The following RERE variants were observed in gnomAD, a reference collection of about 807,000 sequenced individuals.
The protein encoded by RERE is arginine-glutamic acid dipeptide repeats protein.
RERE carries 40 observed loss-of-function variants against 146.1 expected under a neutral mutation model. The ratio of observed to expected loss-of-function variants is 0.27; its 90% CI spans 0.21 to 0.36. The LOEUF (loss-of-function observed/expected upper bound fraction) is 0.36, where lower values mean the gene tolerates loss of function less well. Ranked by LOEUF, RERE falls within the 10% of genes least tolerant of loss-of-function variation. The probability of loss-of-function intolerance (pLI) is 1.00; values close to 1 mark genes in which losing one functional copy is unlikely to be tolerated. For synonymous variants in RERE, 1,003 were observed against 866.0 expected (o/e 1.16, Z -2.78); for missense variants, 1,933 against 2,138.7 (o/e 0.90, Z 1.90).
At chr1:8,437,261 T>C (rs1303942390) in intron 11 of RERE, among the ~76,000 whole-genome samples, 1 of 151,806 alleles carries the variant, frequency 6.6e-6, no homozygotes, top group Non-Finnish European at 1.5e-5. Context: ...CAATACAACA[T>C]GGGACTGGGT....
At chr1:8,773,169 T>C (rs533872629) in intron 1 of RERE, among the ~76,000 whole-genome samples, 2 of 152,350 alleles carry the variant, frequency 1.3e-5, no homozygotes, top group East Asian at 1.9e-4. Context: ...AAAAAGAATT[T>C]TGTTGATTGA....
chr1:8,616,624 T>C (rs1646855266), intron 3 of RERE, among the ~76,000 whole-genome samples: 1 of 152,160 alleles, frequency 6.6e-6, no homozygotes, highest in Non-Finnish European at 1.5e-5. Context: ...TTTTAGTAAA[T>C]AACATTTTCA....
intron 10 of RERE, among the ~76,000 whole-genome samples, chr1:8,477,614 T>C (rs1644773146): frequency 6.6e-6 from 1 of 152,180 alleles, no homozygotes; most frequent in Non-Finnish European, 1.5e-5. Flanking sequence ...ACATGCTAAA[T>C]TGACCTAGAA....
At chr1:8,380,892 G>GT (rs1236513405) in intron 12 of RERE, 3 of 456,746 alleles carry the variant, frequency 6.6e-6, no homozygotes, top group Non-Finnish European at 1.3e-5. Flanking sequence ...CAGCGCTGCT[G>GT]TAACGTCTGC....
chr1:8,515,389 G>A (rs1456836797), intron 7 of RERE, among the ~76,000 whole-genome samples: 3 of 149,538 alleles, frequency 2.0e-5, no homozygotes, highest in Admixed American at 1.3e-4. Context: ...CGGGCGTGGT[G>A]GCTCACCTGA....
In RERE at chr1:8,365,830, G is replaced by T; in HGVS notation, c.1429C>A (p.Pro477Thr). 3 of 1,614,208 alleles carry T rather than the reference G, an allele frequency of 1.9e-6. No individual in the cohort carries two copies. The highest frequency in any genetic ancestry group is 2.5e-6 in the Non-Finnish European group (3 of 1,180,034). The change falls in exon 13 of 23, where the codon CCC becomes ACC. Residue 477 changes from proline (P) to threonine (T), a missense_variant. By Grantham distance (38) the Pro-to-Thr change is conservative. This residue lies in a region of RERE where 260 missense variants were observed against 378.4 expected (regional missense o/e 0.69). Coordinates refer to ENST00000400908, the MANE Select transcript of RERE (RefSeq NM_001042681.2). Reference protein sequence around the residue: ...ASTPVNTPSRPPSSEFLDLSS... With the variant: ...ASTPVNTPSRTPSSEFLDLSS... Reference sequence around the variant, plus strand: ...TACTCACAGAATTCACTGGACGGGGGTCTGGAGGGTGTGTTGACGGGTGTG... The same window carrying T: ...TACTCACAGAATTCACTGGACGGGGTTCTGGAGGGTGTGTTGACGGGTGTG...
intron 1 of RERE, among the ~76,000 whole-genome samples, chr1:8,720,228 G>A (rs1013090124): frequency 2.7e-5 from 4 of 149,726 alleles, no homozygotes; most frequent in African/African-American, 4.9e-5. Flanking sequence ...AGCCGAGATC[G>A]CGCCACAGCA....
In RERE at chr1:8,359,769, C is replaced by T; in HGVS notation, c.3613G>A (p.Ala1205Thr). Residue 1205 changes from alanine to threonine, a missense_variant, in exon 19 of 23, where the codon GCG becomes ACG. Transcript: ENST00000400908. ...CTCGCCAACCCTGGACTCACAGCCGCCCGCTCTGCCTCGCGCTCCCGCTCT... is the reference window on the plus strand; with the variant it reads ...CTCGCCAACCCTGGACTCACAGCCGTCCGCTCTGCCTCGCGCTCCCGCTCT... ...EREREREAER[A>T]AKASSSAHEG... 6.2e-7 allele frequency: 1 copy of T among 1,600,250 alleles called. No individual in the cohort carries two copies. Among genetic ancestry groups the T allele is most frequent in the Admixed American group, 1.7e-5 (1 of 59,932 alleles).
At position 8,358,695 on chromosome 1, in the gene RERE, G is replaced by A; in HGVS notation, c.3840C>T (p.Pro1280=). 2 of 1,590,314 alleles carry A rather than the reference G, an allele frequency of 1.3e-6. No homozygotes were observed. Among genetic ancestry groups the A allele is most frequent in the Admixed American group, 1.7e-5 (1 of 58,306 alleles). ...RNHPFYMPLN[P]TDPLLAYHMP... is the part of the protein sequence containing the mutation. ...TGTGGTAGGCCAGCAGGGGGTCCGT[G>A]GGGTTAAGGGGCATGTAGAAGGGGT... Residue 1280 remains proline (P), a synonymous_variant, in exon 20 of 23, where the codon CCC becomes CCT. Coordinates refer to ENST00000400908, the MANE Select transcript of RERE (RefSeq NM_001042681.2).
chr1:8,779,580 T>C (rs1641128969), intron 1 of RERE, among the ~76,000 whole-genome samples: 1 of 151,982 alleles, frequency 6.6e-6, no homozygotes, highest in Non-Finnish European at 1.5e-5. Flanking sequence ...GGAGAATTGC[T>C]TGAACCTGGG....
chr1:8,543,960 T>C (rs566260503), intron 6 of RERE, among the ~76,000 whole-genome samples: 28 of 152,396 alleles, frequency 1.8e-4, no homozygotes, highest in Non-Finnish European at 3.2e-4. Context: ...TCCTTTCTTA[T>C]GCTTCTAATT....
At chr1:8,543,891 C>T (rs969377754) in intron 6 of RERE, among the ~76,000 whole-genome samples, 1 of 152,180 alleles carries the variant, frequency 6.6e-6, no homozygotes, top group Non-Finnish European at 1.5e-5. Context: ...AGCCCTTTCT[C>T]TATTTGATTC....
chr1:8,430,091 T>G (rs984207356), intron 11 of RERE: 1 of 152,258 alleles, frequency 6.6e-6, no homozygotes, highest in African/African-American at 2.4e-5. Context: ...GGATGAGAAC[T>G]GTACTTCATC....
intron 1 of RERE, among the ~76,000 whole-genome samples, chr1:8,742,650 G>A (rs1640331910): frequency 6.6e-6 from 1 of 152,014 alleles, no homozygotes; most frequent in East Asian, 1.9e-4. Flanking sequence ...GCAAAACCCT[G>A]TCTCTACAAA....
At chr1:8,378,840 CT>C (rs1487362778) in intron 12 of RERE, among the ~76,000 whole-genome samples, 3 of 152,206 alleles carry the variant, frequency 2.0e-5, no homozygotes, top group African/African-American at 7.2e-5. Flanking sequence ...GTGAGGCCTG[CT>C]GAATGAACCT....
chr1:8,675,534 C>T (rs904439527), intron 1 of RERE, among the ~76,000 whole-genome samples: 1 of 149,834 alleles, frequency 6.7e-6, no homozygotes, highest in African/African-American at 2.5e-5. Context: ...ATTAGACAGG[C>T]GTGGTGGCAA....
At chr1:8,798,585 A>T (rs1482821876) in intron 1 of RERE, 1 of 220,000 alleles carries the variant, frequency 4.5e-6, no homozygotes, top group Non-Finnish European at 9.8e-6. Flanking sequence ...GGCACCTCAG[A>T]TCGCCCTTAC....
intron 6 of RERE, among the ~76,000 whole-genome samples, chr1:8,548,948 C>G (rs1433436707): frequency 6.6e-6 from 1 of 152,154 alleles, no homozygotes; most frequent in Non-Finnish European, 1.5e-5. Flanking sequence ...CACGCCACTG[C>G]ACTCCAGCCT....
chr1:8,583,444 T>C (rs189413048), intron 4 of RERE, among the ~76,000 whole-genome samples: 2 of 152,220 alleles, frequency 1.3e-5, no homozygotes, highest in African/African-American at 2.4e-5. Flanking sequence ...GACCGTAAAA[T>C]AGCTACCAGG....
Sources: gnomAD v4.1 joint callset for allele counts (sites outside exome capture counted in the v4.1 genomes callset) on GRCh38, gnomAD v4.1.1 for gene constraint, gnomAD v4.1.1 regional missense constraint, MANE v1.5 for transcripts, NCBI Gene and HGNC (gene_info 2026-07-23, HGNC 2026-07-21) for gene names.